Variants in MECOM observed in about 807,000 individuals in gnomAD.
MECOM encodes the protein MDS1 and EVI1 complex locus.
MECOM carries 13 observed loss-of-function variants against 116.3 expected under a neutral mutation model. The ratio of observed to expected loss-of-function variants is 0.11; its 90% confidence interval spans 0.07 to 0.18. The LOEUF is 0.18. Among genes scored for constraint, MECOM ranks in the 10% least tolerant of loss-of-function variants. The pLI is 1.00. For synonymous variants in MECOM, 528 were observed against 535.2 expected (o/e 0.99, Z 0.19); for missense variants, 1,299 against 1,509.0 (o/e 0.86, Z 2.31).
At chr3:169,356,076 C>A (rs1167639374) in intron 2 of MECOM, among the ~76,000 whole-genome samples, 1 of 151,758 alleles carries the variant, frequency 6.6e-6, no homozygotes, top group East Asian at 1.9e-4. Context: ...TTTAAAGTGG[C>A]CCTTCAGACT....
At chr3:169,288,053 C>T (rs1325467237) in intron 2 of MECOM, among the ~76,000 whole-genome samples, 2 of 152,082 alleles carry the variant, frequency 1.3e-5, no homozygotes, top group African/African-American at 4.8e-5. Context: ...TCATCAGCAG[C>T]CAGCATGTCA....
chr3:169,127,581 G>T (rs1007133625), intron 5 of MECOM, among the ~76,000 whole-genome samples: 1 of 152,074 alleles, frequency 6.6e-6, no homozygotes, highest in Non-Finnish European at 1.5e-5. Flanking sequence ...TTACTATAAA[G>T]TTAAGCCTTC....
chr3:169,567,100 A>G (rs749968973), intron 1 of MECOM, among the ~76,000 whole-genome samples: 1 of 152,218 alleles, frequency 6.6e-6, no homozygotes, highest in Non-Finnish European at 1.5e-5. Flanking sequence ...GATGAATTAC[A>G]CAATGTGAAT....
chr3:169,131,554 G>A (rs1168581115), intron 3 of MECOM, 23 bp from the exon 4 acceptor site: 13 of 1,571,156 alleles, frequency 8.3e-6, no homozygotes, highest in Non-Finnish European at 1.1e-5. Context: ...AATAAAGGTG[G>A]ATGGAATCAG....
chr3:169,554,339 C>T (rs754893791), intron 1 of MECOM, among the ~76,000 whole-genome samples: 75 of 152,270 alleles, frequency 4.9e-4, no homozygotes, highest in Middle Eastern at 3.4e-3. Flanking sequence ...TACAGCAGTT[C>T]GCCTACATTA....
chr3:169,603,786 A>T (rs1768133833), intron 1 of MECOM, among the ~76,000 whole-genome samples: 1 of 152,174 alleles, frequency 6.6e-6, no homozygotes, highest in Non-Finnish European at 1.5e-5. Flanking sequence ...ACACTCAATG[A>T]TGTACCCACA....
chr3:169,549,171 C>A (rs1296807229), intron 1 of MECOM, among the ~76,000 whole-genome samples: 2 of 152,030 alleles, frequency 1.3e-5, no homozygotes, highest in East Asian at 3.9e-4. Context: ...AGGGTTACAC[C>A]ATGTTGGCCA....
intron 2 of MECOM, among the ~76,000 whole-genome samples, chr3:169,201,131 C>T (rs921666402): frequency 6.6e-6 from 1 of 152,062 alleles, no homozygotes; most frequent in Admixed American, 6.6e-5. Flanking sequence ...TTATTTCTTG[C>T]ACCTTAAATG....
At chr3:169,269,319 G>A (rs1758665864) in intron 2 of MECOM, 1 of 151,490 alleles carries the variant, frequency 6.6e-6, no homozygotes, top group Non-Finnish European at 1.5e-5. Context: ...CTTTGAAAAG[G>A]ATTGCTTATT....
At chr3:169,347,957 A>G (rs1725652758) in intron 2 of MECOM, among the ~76,000 whole-genome samples, 1 of 152,054 alleles carries the variant, frequency 6.6e-6, no homozygotes, top group South Asian at 2.1e-4. Context: ...GCTAGAACTT[A>G]ATTGGAAAAA....
At chr3:169,296,800 G>C (rs1715695722) in intron 2 of MECOM, among the ~76,000 whole-genome samples, 1 of 152,190 alleles carries the variant, frequency 6.6e-6, no homozygotes, top group South Asian at 2.1e-4. Flanking sequence ...CGTAAACATG[G>C]TGCAAAGTTT....
At chr3:169,328,288 A>C (rs879794921) in intron 2 of MECOM, among the ~76,000 whole-genome samples, 6 of 152,208 alleles carry the variant, frequency 3.9e-5, no homozygotes, top group Admixed American at 1.3e-4. Context: ...CATAAAATGA[A>C]GTAACTGCAT....
intron 2 of MECOM, among the ~76,000 whole-genome samples, chr3:169,173,713 C>G (rs991555436): frequency 6.6e-6 from 1 of 152,176 alleles, no homozygotes; most frequent in African/African-American, 2.4e-5. Context: ...AGGTGCGATC[C>G]ATTCTGCCAA....
At chr3:169,257,918 A>G (rs769107795) in intron 2 of MECOM, among the ~76,000 whole-genome samples, 9 of 152,222 alleles carry the variant, frequency 5.9e-5, no homozygotes, top group Admixed American at 6.5e-5. Context: ...CAAGCAAAGA[A>G]CATGCAGTGT....
At chr3:169,495,154 G>C (rs116714076) in intron 1 of MECOM, among the ~76,000 whole-genome samples, 1 of 151,936 alleles carries the variant, frequency 6.6e-6, no homozygotes, top group Non-Finnish European at 1.5e-5. Context: ...TTTCCAACCC[G>C]TTAATCATTT....
chr3:169,324,961 G>C (rs1336348351), intron 2 of MECOM, among the ~76,000 whole-genome samples: 2 of 152,074 alleles, frequency 1.3e-5, no homozygotes, highest in Non-Finnish European at 2.9e-5. Flanking sequence ...CTTGCAAACT[G>C]TGGGTCCTAC....
At chr3:169,125,730 G>A (rs1039904221) in intron 5 of MECOM, among the ~76,000 whole-genome samples, 7 of 152,040 alleles carry the variant, frequency 4.6e-5, no homozygotes, top group Non-Finnish European at 7.4e-5. Flanking sequence ...TCTGCTTTTC[G>A]TGGAATTTTA....
chr3:169,640,405 T>C (rs538172076), intron 1 of MECOM, among the ~76,000 whole-genome samples: 1 of 152,332 alleles, frequency 6.6e-6, no homozygotes, highest in African/African-American at 2.4e-5. Context: ...TTCTAAAATT[T>C]TAATGACTAC....
At chr3:169,465,648 C>T (rs951704038) in intron 1 of MECOM, among the ~76,000 whole-genome samples, 6 of 152,160 alleles carry the variant, frequency 3.9e-5, no homozygotes, top group African/African-American at 1.4e-4. Context: ...CAGCTGTTAA[C>T]AGAGCTATTG....
Sources: gnomAD v4.1 joint callset for allele counts (sites outside exome capture counted in the v4.1 genomes callset) on GRCh38, gnomAD v4.1.1 for gene constraint, MANE v1.5 for transcripts, NCBI Gene and HGNC (gene_info 2026-07-23, HGNC 2026-07-21) for gene names.